Variants in PDE4D observed in about 807,000 individuals in gnomAD.
PDE4D encodes the protein phosphodiesterase 4D, also known as 3',5'-cyclic-AMP phosphodiesterase 4D.
PDE4D carries 24 observed loss-of-function variants against 87.4 expected under a neutral mutation model. The observed-to-expected ratio is 0.27, with a 90% confidence interval of 0.20 to 0.39. The LOEUF is 0.39. Among genes scored for constraint, PDE4D ranks in the 10% least tolerant of loss-of-function variants. The probability of loss-of-function intolerance (pLI) is 1.00; values close to 1 mark genes in which losing one functional copy is unlikely to be tolerated. For synonymous variants in PDE4D, 384 were observed against 383.2 expected, an observed-to-expected ratio of 1.00 and a Z score of -0.02; for missense variants, 714 against 1,041.0, an observed-to-expected ratio of 0.69 and a Z score of 4.32.
intron 1 of PDE4D, among the ~76,000 whole-genome samples, chr5:60,318,832 T>C (rs1335445693): frequency 2.0e-5 from 3 of 152,294 alleles, no homozygotes; most frequent in South Asian, 2.1e-4. Context: ...TTCTGGCTTG[T>C]AGAGTTTCTG....
intron 3 of PDE4D, among the ~76,000 whole-genome samples, chr5:59,982,371 TAG>T (rs1762009910): frequency 6.6e-6 from 1 of 152,126 alleles, no homozygotes; most frequent in Admixed American, 6.5e-5. Context: ...GAAATGTAAG[TAG>T]AGAGTTTTAT....
At chr5:59,656,992 C>T (rs1400682567) in intron 1 of PDE4D, among the ~76,000 whole-genome samples, 1 of 152,074 alleles carries the variant, frequency 6.6e-6, no homozygotes, top group East Asian at 1.9e-4. Flanking sequence ...TTACAGTTGT[C>T]CTAAGGCCTA....
At chr5:59,545,988 T>C (rs1485359353) in intron 1 of PDE4D, among the ~76,000 whole-genome samples, 1 of 152,178 alleles carries the variant, frequency 6.6e-6, no homozygotes, top group Non-Finnish European at 1.5e-5. Flanking sequence ...CGTATTCCAC[T>C]TGTAATAACT....
intron 5 of PDE4D, among the ~76,000 whole-genome samples, chr5:59,111,000 G>C (rs901056602): frequency 2.6e-5 from 4 of 152,172 alleles, no homozygotes; most frequent in African/African-American, 9.7e-5. Context: ...CATTGCTCCT[G>C]TCAATGCCTC....
chr5:60,388,693 A>C (rs1398391648), intron 1 of PDE4D, among the ~76,000 whole-genome samples: 1 of 152,200 alleles, frequency 6.6e-6, no homozygotes, highest in East Asian at 1.9e-4. Context: ...ACCGACAATC[A>C]GATTAGAGTC....
chr5:59,337,222 A>G (rs1777820532), intron 1 of PDE4D, among the ~76,000 whole-genome samples: 1 of 152,028 alleles, frequency 6.6e-6, no homozygotes, highest in Admixed American at 6.6e-5. Flanking sequence ...TTTGTAAACC[A>G]AGCTTGCATG....
chr5:59,759,730 G>T (rs1281406684), intron 1 of PDE4D, among the ~76,000 whole-genome samples: 5 of 152,130 alleles, frequency 3.3e-5, no homozygotes, highest in African/African-American at 1.2e-4. Context: ...GGGCTGACTG[G>T]TCTTCCCCAA....
intron 1 of PDE4D, among the ~76,000 whole-genome samples, chr5:59,243,145 G>C (rs972351078): frequency 2.6e-5 from 4 of 152,116 alleles, no homozygotes; most frequent in Non-Finnish European, 4.4e-5. Context: ...AGTCGTATAA[G>C]AGAGAAAATA....
chr5:59,951,695 C>G (rs1758308586), intron 3 of PDE4D, among the ~76,000 whole-genome samples: 1 of 152,104 alleles, frequency 6.6e-6, no homozygotes, highest in Non-Finnish European at 1.5e-5. Context: ...CAGATGTAAC[C>G]TAGATTTAGT....
chr5:59,752,188 T>C (rs1341655606), intron 1 of PDE4D, among the ~76,000 whole-genome samples: 1 of 152,200 alleles, frequency 6.6e-6, no homozygotes, highest in African/African-American at 2.4e-5. Flanking sequence ...TTGTACAGTG[T>C]AGACAGAGTA....
chr5:59,334,170 A>T (rs1029550347), intron 1 of PDE4D, among the ~76,000 whole-genome samples: 1 of 147,980 alleles, frequency 6.8e-6, no homozygotes, highest in Non-Finnish European at 1.5e-5. Flanking sequence ...CCTTTATAGG[A>T]TTGGCCACTT....
intron 1 of PDE4D, among the ~76,000 whole-genome samples, chr5:59,660,809 A>T (rs1038802453): frequency 2.0e-5 from 3 of 152,170 alleles, no homozygotes; most frequent in African/African-American, 7.2e-5. Context: ...AAAGCTGCTG[A>T]AACAGTGCTC....
chr5:60,389,383 A>T lies in PDE4D; in HGVS notation c.-90+98559T>A, dbSNP rs967650604. Reference sequence around the variant, plus strand: ...TAAAAAAACTCTAAATGATTAAAAAATTTTAATCATATGATTTATATTTTA... The same window carrying T: ...TAAAAAAACTCTAAATGATTAAAAATTTTTAATCATATGATTTATATTTTA... On this transcript the variant is annotated intron_variant, in intron 1 of 16. Transcript: ENST00000502484. Among the ~76,000 whole-genome samples, 7 of 151,318 alleles carry T rather than the reference A, an allele frequency of 4.6e-5. No homozygotes were observed. The East Asian group carries it at 1.3e-3, about 29-fold the overall frequency.
At position 60,265,469 on chromosome 5, in the gene PDE4D, C is replaced by T. The variant is rs537630969; in HGVS notation, c.-89-79782G>A. On this transcript the variant is annotated intron_variant, in intron 1 of 16. Transcript: ENST00000502484. Reference sequence around the variant, plus strand: ...GGCTAGGAGACCTCACCCACAGGAGCACAATGGAGAGGGAAATTTGTGGTC... The same window carrying T: ...GGCTAGGAGACCTCACCCACAGGAGTACAATGGAGAGGGAAATTTGTGGTC... 9.2e-5 allele frequency among the ~76,000 whole-genome samples: 14 copies of T among 152,294 alleles called. No individual in the cohort carries two copies. The South Asian group carries it at 2.7e-3, about 29-fold the overall frequency.
intron 1 of PDE4D, among the ~76,000 whole-genome samples, chr5:59,395,493 G>A (rs1272310100): frequency 6.6e-6 from 1 of 152,056 alleles, no homozygotes; most frequent in Non-Finnish European, 1.5e-5. Context: ...ACACTGCAGG[G>A]TACTCCAACA....
chr5:59,965,985 A>G (rs1218538867), intron 3 of PDE4D, among the ~76,000 whole-genome samples: 1 of 152,176 alleles, frequency 6.6e-6, no homozygotes, highest in East Asian at 1.9e-4. Context: ...ACAGGAGCAC[A>G]TGAAAATGAT....
intron 1 of PDE4D, among the ~76,000 whole-genome samples, chr5:59,851,954 A>C (rs1179836157): frequency 1.3e-5 from 2 of 152,042 alleles, no homozygotes; most frequent in Admixed American, 6.6e-5. Context: ...CCCTTTGCCC[A>C]CACTTCTGAC....
chr5:58,995,971 A>T (rs569651653), intron 6 of PDE4D, among the ~76,000 whole-genome samples: 1 of 151,886 alleles, frequency 6.6e-6, no homozygotes, highest in African/African-American at 2.4e-5. Flanking sequence ...AAAAGGGATG[A>T]GTTCACGTCC....
At chr5:60,353,384 C>G (rs1416601411) in intron 1 of PDE4D, among the ~76,000 whole-genome samples, 1 of 152,234 alleles carries the variant, frequency 6.6e-6, no homozygotes. Context: ...CATCCTGCCT[C>G]TTAACACCCA....
Sources: gnomAD v4.1 joint callset for allele counts (sites outside exome capture counted in the v4.1 genomes callset) on GRCh38, gnomAD v4.1.1 for gene constraint, MANE v1.5 for transcripts, NCBI Gene and HGNC (gene_info 2026-07-23, HGNC 2026-07-21) for gene names.